The following DNAJC24 variants were observed in gnomAD, a reference collection of about 807,000 sequenced individuals.
DNAJC24 encodes the protein DnaJ heat shock protein family (Hsp40) member C24.
In DNAJC24, 17 loss-of-function variants were observed where a neutral mutation model predicts 18.0. The ratio of observed to expected loss-of-function variants is 0.94; its 90% CI spans 0.65 to 1.42. The LOEUF (loss-of-function observed/expected upper bound fraction) is 1.42. Among genes scored for constraint, DNAJC24 ranks in the 40% most tolerant of loss-of-function variants. DNAJC24 has a pLI of 0.00. For synonymous variants in DNAJC24, 55 were observed against 57.7 expected (o/e 0.95, Z 0.21); for missense variants, 158 against 175.6 (o/e 0.90, Z 0.57).
chr11:31,410,726 A>G (rs1466720487), intron 2 of DNAJC24, among the ~76,000 whole-genome samples: 1 of 152,212 alleles, frequency 6.6e-6, no homozygotes, highest in Non-Finnish European at 1.5e-5. Flanking sequence ...TTTCTCCCAC[A>G]GGGATATCCA....
chr11:31,376,178 G>C (rs1952313024), intron 2 of DNAJC24, among the ~76,000 whole-genome samples: 1 of 152,206 alleles, frequency 6.6e-6, no homozygotes, highest in South Asian at 2.1e-4. Flanking sequence ...CTGCTGCCAT[G>C]TAAGACATGC....
chr11:31,424,415 AC>A (rs953032212), intron 3 of DNAJC24, among the ~76,000 whole-genome samples: 27 of 152,142 alleles, frequency 1.8e-4, no homozygotes, highest in Non-Finnish European at 3.4e-4. Context: ...CTAGCAAACA[AC>A]CCTGGTCCTT....
At chr11:31,407,595 G>A (rs2133491639) in intron 2 of DNAJC24, 1 of 149,880 alleles carries the variant, frequency 6.7e-6, no homozygotes, top group Admixed American at 6.7e-5. Flanking sequence ...TGAGGCGGGA[G>A]GATCGCTTGA....
rs1398926509 is a variant in DNAJC24, at chr11:31,388,283, AT to A, written c.111+17427del. The stretch of plus-strand genomic sequence containing the variant: ...AAGAAGGTTATAGAACACCAAGCAG[AT>A]TTAACCGAAATAAGACTACCTCAAG... On this transcript the variant is annotated intron_variant, in intron 2 of 4. Transcript: ENST00000465995. Among the ~76,000 whole-genome samples, 7 of 152,274 alleles carry A rather than the reference AT, an allele frequency of 4.6e-5. No homozygotes were observed. The East Asian group carries it at 1.4e-3, about 29-fold the overall frequency.
intron 2 of DNAJC24, among the ~76,000 whole-genome samples, chr11:31,400,734 G>A (rs1433031896): frequency 3.3e-5 from 5 of 152,180 alleles, no homozygotes; most frequent in Non-Finnish European, 7.3e-5. Flanking sequence ...AACTCAAGAT[G>A]GATTAAAGCC....
intron 2 of DNAJC24, among the ~76,000 whole-genome samples, chr11:31,393,990 T>C (rs969476116): frequency 6.6e-6 from 1 of 152,190 alleles, no homozygotes; most frequent in Admixed American, 6.5e-5. Context: ...CCTTGTTTTA[T>C]GTTTGTTTTT....
At chr11:31,408,755 A>G (rs1012935650) in intron 2 of DNAJC24, among the ~76,000 whole-genome samples, 6 of 152,182 alleles carry the variant, frequency 3.9e-5, no homozygotes, top group African/African-American at 1.4e-4. Flanking sequence ...ATGATATGGT[A>G]ATTTAAAGAA....
intron 2 of DNAJC24, among the ~76,000 whole-genome samples, chr11:31,400,623 G>T (rs565263827): frequency 6.6e-6 from 1 of 152,132 alleles, no homozygotes; most frequent in African/African-American, 2.4e-5. Flanking sequence ...AACAAGCAAT[G>T]GGGAAAAGGT....
intron 4 of DNAJC24, among the ~76,000 whole-genome samples, chr11:31,429,236 A>C (rs1952894531): frequency 6.6e-6 from 1 of 152,038 alleles, no homozygotes; most frequent in Non-Finnish European, 1.5e-5. Flanking sequence ...AAAAAAAAAA[A>C]AAACACATAA....
chr11:31,414,932 A>G lies in DNAJC24; in HGVS notation c.233A>G (p.Tyr78Cys), dbSNP rs372428770. The G allele has an allele frequency of 2.0e-5, 32 of 1,613,718 alleles. No homozygotes were observed. The highest frequency in any genetic ancestry group is 2.5e-5 in the Non-Finnish European group (29 of 1,179,906). ...ILGNEETKRE[Y>C]DLQRCEDDLR... ...GGAAATGAAGAGACAAAAAGAGAGT[A>G]TGACCTGCAGCGGTGTGGTAGGTGC... The change falls in exon 3 of 5, where the codon TAT becomes TGT. Residue 78 changes from tyrosine to cysteine, a missense_variant. Transcript: ENST00000465995.
chr11:31,396,128 C>CCA (rs1362449166), intron 2 of DNAJC24, among the ~76,000 whole-genome samples: 6 of 152,176 alleles, frequency 3.9e-5, no homozygotes, highest in African/African-American at 1.4e-4. Context: ...ACCGAAGTGG[C>CCA]CAGTGTTCCT....
At chr11:31,405,405 C>A (rs1952647956) in intron 2 of DNAJC24, among the ~76,000 whole-genome samples, 1 of 149,640 alleles carries the variant, frequency 6.7e-6, no homozygotes, top group African/African-American at 2.5e-5. Context: ...AGGATTCGGC[C>A]TTGACCATAT....
At chr11:31,392,016 G>GT (rs1415715177) in intron 2 of DNAJC24, among the ~76,000 whole-genome samples, 1 of 152,068 alleles carries the variant, frequency 6.6e-6, no homozygotes, top group East Asian at 1.9e-4. Flanking sequence ...AACTTTACAT[G>GT]TTTTTACTTA....
intron 2 of DNAJC24, among the ~76,000 whole-genome samples, chr11:31,386,887 G>A (rs143883706): frequency 1.4e-4 from 22 of 152,088 alleles, no homozygotes; most frequent in Admixed American, 8.5e-4. Context: ...GAGAGACCCC[G>A]GGCTGGCAGC....
At chr11:31,417,781 C>T (rs1276269466) in intron 3 of DNAJC24, among the ~76,000 whole-genome samples, 1 of 151,980 alleles carries the variant, frequency 6.6e-6, no homozygotes, top group Admixed American at 6.6e-5. Context: ...TTTCATAGCT[C>T]CATGTTGGTG....
chr11:31,370,263 A>G (rs1348389413), intron 1 of DNAJC24, among the ~76,000 whole-genome samples: 1 of 152,000 alleles, frequency 6.6e-6, no homozygotes, highest in Non-Finnish European at 1.5e-5. Context: ...CAAACGAGAA[A>G]CTTTCAGAAG....
At chr11:31,400,972 C>T (rs1952595198) in intron 2 of DNAJC24, among the ~76,000 whole-genome samples, 1 of 152,238 alleles carries the variant, frequency 6.6e-6, no homozygotes, top group East Asian at 1.9e-4. Context: ...TTTTTAGAAT[C>T]TACCCATCTG....
intron 2 of DNAJC24, among the ~76,000 whole-genome samples, chr11:31,376,158 T>G (rs1952312808): frequency 6.6e-6 from 1 of 152,212 alleles, no homozygotes. Context: ...TGGCTCTTAT[T>G]CTCTCTTGCC....
intron 2 of DNAJC24, among the ~76,000 whole-genome samples, chr11:31,404,424 G>A (rs1952634478): frequency 6.6e-6 from 1 of 152,046 alleles, no homozygotes; most frequent in African/African-American, 2.4e-5. Flanking sequence ...ACTTCTCAGG[G>A]CTAGCTGAGT....
Sources: gnomAD v4.1 joint callset for allele counts (sites outside exome capture counted in the v4.1 genomes callset) on GRCh38, gnomAD v4.1.1 for gene constraint, MANE v1.5 for transcripts, NCBI Gene and HGNC (gene_info 2026-07-23, HGNC 2026-07-21) for gene names.